The following IPMK variants were observed in gnomAD, a reference collection of about 807,000 sequenced individuals.
IPMK encodes the protein inositol polyphosphate multikinase, also known as inositol 1,3,4,6-tetrakisphosphate 5-kinase.
In IPMK, 17 loss-of-function variants were observed where a neutral mutation model predicts 45.8. The observed-to-expected ratio is 0.37, with a 90% CI of 0.25 to 0.56. The LOEUF (loss-of-function observed/expected upper bound fraction) is 0.56. Among genes scored for constraint, IPMK ranks in the 20% least tolerant of loss-of-function variants. The pLI, the probability that IPMK is intolerant of heterozygous loss-of-function variation, is 0.79. For missense variants in IPMK, 399 were observed against 498.0 expected (o/e 0.80, Z 1.89); for synonymous variants, 180 against 184.3 (o/e 0.98, Z 0.19).
At chr10:58,267,203 T>C (rs1839160547) in intron 1 of IPMK, among the ~76,000 whole-genome samples, 1 of 152,192 alleles carries the variant, frequency 6.6e-6, no homozygotes, top group South Asian at 2.1e-4. Context: ...CTGCCACCCG[T>C]GCTGCAAGCC....
intron 1 of IPMK, among the ~76,000 whole-genome samples, chr10:58,262,084 G>A (rs1446487834): frequency 1.3e-5 from 2 of 152,076 alleles, no homozygotes; most frequent in Non-Finnish European, 2.9e-5. Context: ...CACACACCGG[G>A]GCCTGTCGTG....
intron 1 of IPMK, among the ~76,000 whole-genome samples, chr10:58,246,049 C>T (rs1202860016): frequency 7.6e-6 from 1 of 131,026 alleles, no homozygotes; most frequent in Non-Finnish European, 1.5e-5. Context: ...AACTCCCATT[C>T]ACAATTGCTT....
At chr10:58,223,345 G>A (rs968576578) in intron 3 of IPMK, among the ~76,000 whole-genome samples, 6 of 151,948 alleles carry the variant, frequency 3.9e-5, no homozygotes, top group Non-Finnish European at 8.8e-5. Flanking sequence ...AGAAAAAGAG[G>A]CAAAAAGAGC....
At chr10:58,225,693 G>C (rs192765273) in intron 3 of IPMK, among the ~76,000 whole-genome samples, 9 of 151,970 alleles carry the variant, frequency 5.9e-5, no homozygotes, top group Non-Finnish European at 8.8e-5. Context: ...ATTTTTCAGC[G>C]TCACTTTACT....
At chr10:58,231,079 T>C (rs529717048) in intron 2 of IPMK, among the ~76,000 whole-genome samples, 36 of 152,280 alleles carry the variant, frequency 2.4e-4, no homozygotes, top group African/African-American at 8.4e-4. Context: ...AGGGTATTGG[T>C]GATTGAAGAA....
At chr10:58,254,495 C>CA (rs34810643) in intron 1 of IPMK, among the ~76,000 whole-genome samples, 41,010 of 151,402 alleles carry the variant, frequency 0.27, 8,196 homozygotes, top group African/African-American at 0.56. Context: ...TGAACTTCTT[C>CA]AAAAAAAAAT....
intron 4 of IPMK, among the ~76,000 whole-genome samples, chr10:58,199,649 T>C (rs1837969197): frequency 6.6e-6 from 1 of 152,148 alleles, no homozygotes; most frequent in Non-Finnish European, 1.5e-5. Flanking sequence ...ACAAGAAGCC[T>C]TCACAAAAAT....
At chr10:58,240,133 A>G (rs566069040) in intron 1 of IPMK, among the ~76,000 whole-genome samples, 1 of 152,316 alleles carries the variant, frequency 6.6e-6, no homozygotes, top group East Asian at 1.9e-4. Context: ...AACAAAAAGT[A>G]TAAATATGCT....
chr10:58,228,639 T>C (rs1838457736), intron 2 of IPMK, among the ~76,000 whole-genome samples: 1 of 152,200 alleles, frequency 6.6e-6, no homozygotes, highest in Admixed American at 6.5e-5. Flanking sequence ...GTTCACGCCA[T>C]TCTCCTGCCT....
chr10:58,210,217 G>C (rs1325951496), intron 4 of IPMK, among the ~76,000 whole-genome samples: 1 of 152,146 alleles, frequency 6.6e-6, no homozygotes, highest in Non-Finnish European at 1.5e-5. Flanking sequence ...GGAATAGCCA[G>C]TAGCGAAGGG....
At chr10:58,226,284 A>C (rs150129052) in intron 3 of IPMK, among the ~76,000 whole-genome samples, 1 of 152,310 alleles carries the variant, frequency 6.6e-6, no homozygotes, top group African/African-American at 2.4e-5. Context: ...TGGTTCAAGA[A>C]CTATCCACAT....
At chr10:58,225,486 T>C (rs1838399604) in intron 3 of IPMK, among the ~76,000 whole-genome samples, 1 of 152,170 alleles carries the variant, frequency 6.6e-6, no homozygotes, top group African/African-American at 2.4e-5. Flanking sequence ...ATTTAAATCA[T>C]ATGCTAGTAA....
chr10:58,236,781 C>A (rs1379702071), intron 2 of IPMK, among the ~76,000 whole-genome samples: 1 of 151,742 alleles, frequency 6.6e-6, no homozygotes, highest in African/African-American at 2.4e-5. Flanking sequence ...GCTTGCTGGC[C>A]TGTGCCTGTA....
chr10:58,192,301 C>T lies in IPMK; in HGVS notation c.*3775G>A, dbSNP rs1211385105. ...GTAAAATACAGTAAAGAAGATGCAG[C>T]TCATTTGCTTGGGAATATGTAATGG... is the stretch of plus-strand genomic sequence containing the variant. On this transcript the variant is annotated 3_prime_UTR_variant, in exon 6 of 6. Coordinates refer to ENST00000373935, the MANE Select transcript of IPMK (RefSeq NM_152230.5). The T allele has an allele frequency of 6.6e-6, 1 of 151,880 alleles. No individual in the cohort carries two copies. The highest frequency in any genetic ancestry group is 1.9e-4 in the East Asian group (1 of 5,190). The allele number at this position is 151,880 out of a possible 1,614,324, so 9.4% of individuals were successfully genotyped here.
At chr10:58,228,111 C>A (rs944633320) in intron 2 of IPMK, among the ~76,000 whole-genome samples, 10 of 152,158 alleles carry the variant, frequency 6.6e-5, no homozygotes, top group Non-Finnish European at 7.4e-5. Flanking sequence ...ATATTAGTCA[C>A]TTCCAGGCCA....
At chr10:58,237,673 C>T in intron 2 of IPMK, 56 bp downstream of exon 2, 2 of 1,292,948 alleles carry the variant, frequency 1.5e-6, no homozygotes, top group Non-Finnish European at 1.1e-6. Flanking sequence ...TGAGTCACCA[C>T]CAGAAAACTC....
intron 1 of IPMK, among the ~76,000 whole-genome samples, chr10:58,261,215 GA>G (rs1839061349): frequency 1.3e-5 from 2 of 148,794 alleles, no homozygotes; most frequent in African/African-American, 5.0e-5. Flanking sequence ...CAGCATACTA[GA>G]TTTTGTATCA....
At chr10:58,238,738 G>A (rs1405590955) in intron 1 of IPMK, among the ~76,000 whole-genome samples, 4 of 152,068 alleles carry the variant, frequency 2.6e-5, no homozygotes, top group African/African-American at 9.7e-5. Flanking sequence ...TTCAATCATT[G>A]TGCTTATGAA....
Position 58,196,349 on chromosome 10 carries a change from T to G in IPMK, c.978A>C (p.Thr326=). 1 of 1,614,196 alleles carries G rather than the reference T, an allele frequency of 6.2e-7. No individual in the cohort carries two copies. Among genetic ancestry groups the G allele is most frequent in the Non-Finnish European group, 8.5e-7 (1 of 1,180,032 alleles). ...ATGAAGTCTGACTGTGATGCTTTTTTGTATATATTTTCCTGTGACGCGCAT... is the reference window on the plus strand; with the variant it reads ...ATGAAGTCTGACTGTGATGCTTTTTGGTATATATTTTCCTGTGACGCGCAT... ...KMYARHRKIY[T]KKHHSQTSLK... The change falls in exon 6 of 6, where the codon ACA becomes ACC. Residue 326 remains threonine, a synonymous_variant. Coordinates refer to ENST00000373935, the MANE Select transcript of IPMK (RefSeq NM_152230.5).
Sources: gnomAD v4.1 joint callset for allele counts (sites outside exome capture counted in the v4.1 genomes callset) on GRCh38, gnomAD v4.1.1 for gene constraint, MANE v1.5 for transcripts, NCBI Gene and HGNC (gene_info 2026-07-23, HGNC 2026-07-21) for gene names.